BCAR3: variants seen among roughly 807,000 people sequenced by gnomAD.
BCAR3 encodes BCAR3 adaptor protein, NSP family member.
Under a neutral mutation model 80.1 loss-of-function variants are expected in BCAR3, and 37 were observed. That is an observed-to-expected ratio of 0.46 (90% CI 0.36 to 0.61). The LOEUF (loss-of-function observed/expected upper bound fraction) is 0.61. Ranked by LOEUF, BCAR3 falls within the 20% of genes least tolerant of loss-of-function variation. BCAR3 has a pLI of 0.00. For missense variants in BCAR3, 978 were observed against 1,068.2 expected (o/e 0.92, Z 1.18); for synonymous variants, 389 against 418.9 (o/e 0.93, Z 0.87).
chr1:93,637,811 T>C (rs958189322), intron 3 of BCAR3, among the ~76,000 whole-genome samples: 13 of 152,108 alleles, frequency 8.5e-5, no homozygotes, highest in African/African-American at 3.1e-4. Context: ...GGCTACAAGA[T>C]TTTCCTCTCC....
chr1:93,654,729 G>A (rs1244102109), intron 2 of BCAR3, among the ~76,000 whole-genome samples: 3 of 152,030 alleles, frequency 2.0e-5, no homozygotes, highest in African/African-American at 7.2e-5. Flanking sequence ...CCTTGGTACT[G>A]ACTACTCTTT....
At chr1:93,677,980 C>T in intron 1 of BCAR3, among the ~76,000 whole-genome samples, 1 of 152,156 alleles carries the variant, frequency 6.6e-6, no homozygotes, top group East Asian at 1.9e-4. Flanking sequence ...ATGAATTATA[C>T]CCCTGCTCTC....
chr1:93,823,007 C>T lies in BCAR3; in HGVS notation c.-63+22560G>A, dbSNP rs1381324434. Among the ~76,000 whole-genome samples, 7 of 133,210 alleles carry T rather than the reference C, an allele frequency of 5.3e-5. 3 individuals are homozygous for T. The highest frequency in any genetic ancestry group is 6.1e-4 in the South Asian group (2 of 3,266). The allele number at this position is 133,210 out of a possible 152,430, so 87.4% of individuals were successfully genotyped here. On this transcript the variant is annotated intron_variant, in intron 2 of 13. Transcript: ENST00000370244. ...GAGTCATGAAGGCAATCTTCTGGGGCCCTGGGAAGGGTCCCCTCCCTGCTG... is the reference window on the plus strand; with the variant it reads ...GAGTCATGAAGGCAATCTTCTGGGGTCCTGGGAAGGGTCCCCTCCCTGCTG...
chr1:93,780,565 GA>G (rs1645400768), intron 2 of BCAR3, among the ~76,000 whole-genome samples: 1 of 129,090 alleles, frequency 7.7e-6, no homozygotes, highest in African/African-American at 4.0e-5. Context: ...AAGTGAAGAG[GA>G]GAGGAAAAAA....
chr1:93,798,231 G>T (rs937150684), intron 2 of BCAR3, among the ~76,000 whole-genome samples: 1 of 152,188 alleles, frequency 6.6e-6, no homozygotes, highest in Non-Finnish European at 1.5e-5. Context: ...CAAGTTGGGG[G>T]AAAAGCATTC....
intron 9 of BCAR3, among the ~76,000 whole-genome samples, chr1:93,568,885 C>T (rs6662891): frequency 0.41 from 62,304 of 152,052 alleles, 15,417 homozygotes; most frequent in Middle Eastern, 0.54. Flanking sequence ...TGCAGTGGTG[C>T]GATCACAGCT....
intron 2 of BCAR3, among the ~76,000 whole-genome samples, chr1:93,645,420 C>T (rs974336686): frequency 6.6e-6 from 1 of 152,114 alleles, no homozygotes; most frequent in Admixed American, 6.6e-5. Flanking sequence ...TCTTTGTGCA[C>T]ATTTACATTA....
chr1:93,572,895 G>A (rs1409305248), intron 8 of BCAR3, among the ~76,000 whole-genome samples: 4 of 152,160 alleles, frequency 2.6e-5, no homozygotes. Flanking sequence ...AGGGCAGCAG[G>A]GATTCATTGA....
At chr1:93,644,430 A>G (rs1320617042) in intron 2 of BCAR3, among the ~76,000 whole-genome samples, 1 of 152,188 alleles carries the variant, frequency 6.6e-6, no homozygotes, top group African/African-American at 2.4e-5. Flanking sequence ...AAATTCACCT[A>G]CAGCCTGGAA....
At chr1:93,817,729 C>T (rs1472305764) in intron 2 of BCAR3, among the ~76,000 whole-genome samples, 1 of 152,216 alleles carries the variant, frequency 6.6e-6, no homozygotes, top group Non-Finnish European at 1.5e-5. Flanking sequence ...CATCCATGCA[C>T]AAACTACATA....
At chr1:93,834,055 C>T (rs372458101) in intron 2 of BCAR3, among the ~76,000 whole-genome samples, 6 of 152,110 alleles carry the variant, frequency 3.9e-5, no homozygotes, top group East Asian at 1.9e-4. Flanking sequence ...TATGTTCTGC[C>T]GTGGCTTCAG....
chr1:93,563,902 C>T (rs1672808294), intron 11 of BCAR3, among the ~76,000 whole-genome samples: 2 of 152,088 alleles, frequency 1.3e-5, no homozygotes, highest in South Asian at 4.2e-4. Context: ...CCATGTTGGC[C>T]AGGCTGGTCT....
intron 2 of BCAR3, among the ~76,000 whole-genome samples, chr1:93,845,254 C>T (rs1655107886): frequency 6.6e-6 from 1 of 151,966 alleles, no homozygotes; most frequent in Non-Finnish European, 1.5e-5. Context: ...AGCATCTCTT[C>T]TCCCATTTCG....
At chr1:93,601,890 A>C (rs570906582) in intron 3 of BCAR3, among the ~76,000 whole-genome samples, 1 of 152,194 alleles carries the variant, frequency 6.6e-6, no homozygotes, top group Admixed American at 6.5e-5. Flanking sequence ...AACACCCGGA[A>C]TGCTATCAGG....
intron 2 of BCAR3, among the ~76,000 whole-genome samples, chr1:93,808,726 T>C (rs1366241499): frequency 6.6e-6 from 1 of 152,010 alleles, no homozygotes; most frequent in Non-Finnish European, 1.5e-5. Context: ...AAAAAATAGC[T>C]TGATTAAAAG....
At chr1:93,797,107 G>C (rs1272443799) in intron 2 of BCAR3, among the ~76,000 whole-genome samples, 1 of 152,190 alleles carries the variant, frequency 6.6e-6, no homozygotes. Context: ...CCACGTTTTA[G>C]AGGCCACTTC....
chr1:93,660,326 A>G (rs1460428012), intron 2 of BCAR3, among the ~76,000 whole-genome samples: 1 of 152,188 alleles, frequency 6.6e-6, no homozygotes, highest in East Asian at 1.9e-4. Flanking sequence ...CCCCAGCCCC[A>G]ATGAGACCAG....
chr1:93,806,046 T>A (rs1653643717), intron 2 of BCAR3, among the ~76,000 whole-genome samples: 2 of 152,128 alleles, frequency 1.3e-5, no homozygotes, highest in African/African-American at 2.4e-5. Context: ...AAATATGATT[T>A]AAAAAAAGAT....
At chr1:93,733,266 C>T (rs1349550483) in intron 2 of BCAR3, among the ~76,000 whole-genome samples, 2 of 152,178 alleles carry the variant, frequency 1.3e-5, no homozygotes, top group African/African-American at 4.8e-5. Context: ...TACAGACACA[C>T]CAAACCAGAA....
Sources: gnomAD v4.1 joint callset for allele counts (sites outside exome capture counted in the v4.1 genomes callset) on GRCh38, gnomAD v4.1.1 for gene constraint, MANE v1.5 for transcripts, NCBI Gene and HGNC (gene_info 2026-07-23, HGNC 2026-07-21) for gene names.